MECOM: variants seen among roughly 807,000 people sequenced by gnomAD.
MECOM encodes the protein histone-lysine N-methyltransferase MECOM.
Under a neutral mutation model 116.3 loss-of-function variants are expected in MECOM, and 13 were observed. That is an observed-to-expected ratio of 0.11 (90% CI 0.07 to 0.18). MECOM has a LOEUF of 0.18. MECOM is among the 10% of genes least tolerant of loss of function. MECOM has a pLI of 1.00. For missense variants in MECOM, 1,299 were observed against 1,509.0 expected, an observed-to-expected ratio of 0.86 and a Z score of 2.31; for synonymous variants, 528 against 535.2, an observed-to-expected ratio of 0.99 and a Z score of 0.19.
At chr3:169,334,832 T>C (rs1281065239) in intron 2 of MECOM, among the ~76,000 whole-genome samples, 1 of 152,124 alleles carries the variant, frequency 6.6e-6, no homozygotes, top group East Asian at 1.9e-4. Context: ...AGCCATGTAA[T>C]GGAAAAGATG....
At chr3:169,088,076 A>C (rs2148831149) in intron 16 of MECOM, among the ~76,000 whole-genome samples, 1 of 152,314 alleles carries the variant, frequency 6.6e-6, no homozygotes, top group African/African-American at 2.4e-5. Context: ...GTTAAGACAA[A>C]CCCAGACATC....
intron 1 of MECOM, among the ~76,000 whole-genome samples, chr3:169,445,419 C>T (rs1490863990): frequency 6.6e-6 from 1 of 152,210 alleles, no homozygotes; most frequent in Admixed American, 6.5e-5. Flanking sequence ...ATCTTGGCAG[C>T]TTCCAAGTGG....
At chr3:169,582,177 C>G (rs112743937) in intron 1 of MECOM, among the ~76,000 whole-genome samples, 12 of 152,018 alleles carry the variant, frequency 7.9e-5, no homozygotes, top group African/African-American at 2.9e-4. Flanking sequence ...TTAAGCGTTT[C>G]GTCAGAGAGC....
chr3:169,629,453 AC>A (rs2109956426), intron 1 of MECOM, among the ~76,000 whole-genome samples: 1 of 152,088 alleles, frequency 6.6e-6, no homozygotes, highest in South Asian at 2.1e-4. Flanking sequence ...GAGCAAATGC[AC>A]CCCAGCCCCA....
At chr3:169,199,150 G>A (rs1748828072) in intron 2 of MECOM, among the ~76,000 whole-genome samples, 1 of 152,124 alleles carries the variant, frequency 6.6e-6, no homozygotes, top group Non-Finnish European at 1.5e-5. Context: ...TATATTTGAA[G>A]TAGAAATTAA....
Position 169,341,599 on chromosome 3 carries a change from G to A in MECOM, c.375+39588C>T, listed in dbSNP as rs1429757981. 2.6e-5 allele frequency among the ~76,000 whole-genome samples: 4 copies of A among 151,850 alleles called. No homozygotes were observed. The East Asian group carries it at 7.7e-4, about 29-fold the overall frequency. Reference sequence around the variant, plus strand: ...TACTAAAAATACAAAAATTAGCTGGGCTTGGTGGCGCATGCCTGTAGTCCC... The same window carrying A: ...TACTAAAAATACAAAAATTAGCTGGACTTGGTGGCGCATGCCTGTAGTCCC... On this transcript the variant is annotated intron_variant, in intron 2 of 16. Transcript: ENST00000651503.
rs144950619 is a variant in MECOM at position 169,571,787 on chromosome 3, G to A, written c.37+91549C>T. 7.1e-3 allele frequency among the ~76,000 whole-genome samples: 1,079 copies of A among 151,084 alleles called. 9 individuals are homozygous for A. The highest frequency in any genetic ancestry group is 0.025 in the African/African-American group (1,019 of 41,382). On this transcript the variant is annotated intron_variant, in intron 1 of 16. Transcript: ENST00000651503. ...ATGGTGTTGGGAAAACTGGCTAGCC[G>A]TGCAGAAAACTGAAACTGGACCCCT...
intron 2 of MECOM, among the ~76,000 whole-genome samples, chr3:169,332,192 G>A (rs145006854): frequency 1.8e-4 from 27 of 152,218 alleles, no homozygotes; most frequent in Non-Finnish European, 3.5e-4. Flanking sequence ...TAGGACATAG[G>A]TAGGACCTTG....
chr3:169,406,035 T>C (rs1295710332), intron 1 of MECOM, among the ~76,000 whole-genome samples: 1 of 152,162 alleles, frequency 6.6e-6, no homozygotes, highest in Non-Finnish European at 1.5e-5. Flanking sequence ...CATGGTTAGG[T>C]AACACCACCC....
chr3:169,233,757 T>C (rs1407651496), intron 2 of MECOM, among the ~76,000 whole-genome samples: 4 of 152,136 alleles, frequency 2.6e-5, no homozygotes, highest in Non-Finnish European at 5.9e-5. Flanking sequence ...AGAATACTAC[T>C]AAAATTATTA....
intron 2 of MECOM, among the ~76,000 whole-genome samples, chr3:169,328,095 A>G (rs1201005723): frequency 6.6e-6 from 1 of 152,164 alleles, no homozygotes; most frequent in Non-Finnish European, 1.5e-5. Context: ...TTCAGTGTCT[A>G]TGAGGAAGTT....
chr3:169,647,908 A>G (rs1226347388), intron 1 of MECOM, among the ~76,000 whole-genome samples: 1 of 152,156 alleles, frequency 6.6e-6, no homozygotes. Flanking sequence ...TCAAACCCCT[A>G]CATCCTGACG....
chr3:169,115,116 CA>C lies in MECOM; in HGVS notation c.2489+266del, dbSNP rs534758533. On this transcript the variant is annotated intron_variant, in intron 8 of 16. Transcript: ENST00000651503. ...TATGACTTTCCCATATTTTCCACTCCAAAAAAAGTGTTTAAAAATAAATTTA... is the reference window on the plus strand; with the variant it reads ...TATGACTTTCCCATATTTTCCACTCCAAAAAAGTGTTTAAAAATAAATTTA... Among the ~76,000 whole-genome samples, 282 of 151,972 alleles carry C rather than the reference CA, an allele frequency of 1.9e-3. 2 individuals are homozygous for C. Among genetic ancestry groups the C allele is most frequent in the Middle Eastern group, 3.4e-3 (1 of 294 alleles).
At chr3:169,447,285 G>T (rs1188831129) in intron 1 of MECOM, among the ~76,000 whole-genome samples, 1 of 152,018 alleles carries the variant, frequency 6.6e-6, no homozygotes, top group African/African-American at 2.4e-5. Flanking sequence ...CTATAAAAAT[G>T]CACCTTCTCA....
At chr3:169,520,013 A>G (rs1255782691) in intron 1 of MECOM, among the ~76,000 whole-genome samples, 1 of 152,238 alleles carries the variant, frequency 6.6e-6, no homozygotes, top group Non-Finnish European at 1.5e-5. Context: ...GCCAGGCCAA[A>G]GTCTACATTC....
chr3:169,433,639 G>GAAAGAAAGAAAGAA lies in MECOM; in HGVS notation c.38-52116_38-52115insTTCTTTCTTTCTTT, dbSNP rs1553851603. 6.5e-4 allele frequency among the ~76,000 whole-genome samples: 82 copies of GAAAGAAAGAAAGAA among 127,052 alleles called. 1 individual carries two copies. The highest frequency in any genetic ancestry group is 1.0e-3 in the Non-Finnish European group (63 of 61,120). The allele number at this position is 127,052 out of a possible 152,430, so 83.4% of individuals were successfully genotyped here. A position where few individuals can be genotyped will look rare whatever the true frequency, so the allele number is the denominator to read the frequency against. ...GAAGGAGAAAAGAAAGAAAGAGAAA[G>GAAAGAAAGAAAGAA]AGAAAGAAAGAAAGAAAGAAAGAAA... On this transcript the variant is annotated intron_variant, in intron 1 of 16. Transcript: ENST00000651503.
chr3:169,559,103 G>A (rs1228588031), intron 1 of MECOM, among the ~76,000 whole-genome samples: 1 of 151,768 alleles, frequency 6.6e-6, no homozygotes, highest in African/African-American at 2.4e-5. Flanking sequence ...AGCTAGGACT[G>A]CCAACAACCC....
chr3:169,385,616 CCA>C (rs1419613185), intron 1 of MECOM, among the ~76,000 whole-genome samples: 1 of 152,162 alleles, frequency 6.6e-6, no homozygotes, highest in East Asian at 1.9e-4. Context: ...GTTTATCACA[CCA>C]CATTGAATAT....
chr3:169,491,404 C>A (rs1258029920), intron 1 of MECOM, among the ~76,000 whole-genome samples: 2 of 152,018 alleles, frequency 1.3e-5, no homozygotes, highest in African/African-American at 2.4e-5. Flanking sequence ...CAGACCAAGA[C>A]TTTTAAGTAT....
Sources: allele counts gnomAD v4.1 joint callset (sites outside exome capture counted in the v4.1 genomes callset), GRCh38; gene constraint gnomAD v4.1.1; transcripts MANE v1.5; gene names NCBI Gene and HGNC (gene_info 2026-07-23, HGNC 2026-07-21).